The following CDH8 variants were observed in gnomAD, a reference collection of about 807,000 sequenced individuals.
CDH8 encodes cadherin 8.
CDH8 carries 17 observed loss-of-function variants against 68.1 expected under a neutral mutation model. That is an observed-to-expected ratio of 0.25 (90% CI 0.17 to 0.37). CDH8 has a LOEUF of 0.37. Among genes scored for constraint, CDH8 ranks in the 10% least tolerant of loss-of-function variants. The probability of loss-of-function intolerance (pLI) is 1.00; values close to 1 mark genes in which losing one functional copy is unlikely to be tolerated. For synonymous variants in CDH8, 372 were observed against 365.1 expected, an observed-to-expected ratio of 1.02 and a Z score of -0.21; for missense variants, 763 against 999.3, an observed-to-expected ratio of 0.76 and a Z score of 3.19.
intron 2 of CDH8, among the ~76,000 whole-genome samples, chr16:61,983,618 A>G (rs1965575058): frequency 6.6e-6 from 1 of 152,220 alleles, no homozygotes; most frequent in South Asian, 2.1e-4. Flanking sequence ...TTCAATTTTT[A>G]ATTTTTACAA....
At chr16:61,875,768 G>A (rs1000609195) in intron 3 of CDH8, among the ~76,000 whole-genome samples, 11 of 152,236 alleles carry the variant, frequency 7.2e-5, no homozygotes, top group Admixed American at 2.0e-4. Context: ...ATCAGTAAGC[G>A]TATAACTCAT....
intron 2 of CDH8, among the ~76,000 whole-genome samples, chr16:62,000,820 G>T (rs1361160705): frequency 6.6e-6 from 1 of 152,154 alleles, no homozygotes; most frequent in East Asian, 1.9e-4. Context: ...AGTGGTGTTT[G>T]TAGTAGTATT....
rs112136080 is a variant in CDH8, at chr16:61,946,028, GCTAT to G, written c.253-44559_253-44556del. On this transcript the variant is annotated intron_variant, in intron 2 of 11. Transcript: ENST00000577390. ...AATGGATTTTGGCATCTTCAAAACT[GCTAT>G]CTGTCAAAGGATTCTCAAAAATTTG... Among the ~76,000 whole-genome samples the G allele has an allele frequency of 7.3e-4, 111 of 152,270 alleles. 1 individual carries two copies. The East Asian group carries it at 0.019, about 25-fold the overall frequency.
intron 7 of CDH8, among the ~76,000 whole-genome samples, chr16:61,792,363 C>G (rs921750855): frequency 3.3e-5 from 5 of 151,978 alleles, no homozygotes; most frequent in African/African-American, 1.2e-4. Flanking sequence ...ACTTTAAAGT[C>G]TACCTCAACT....
At chr16:61,842,183 G>A (rs972921159) in intron 4 of CDH8, among the ~76,000 whole-genome samples, 8 of 151,388 alleles carry the variant, frequency 5.3e-5, no homozygotes, top group African/African-American at 1.5e-4. Flanking sequence ...CTGGCATTAC[G>A]GGCATGAGCC....
At chr16:61,687,422 C>T (rs1448646117) in intron 10 of CDH8, among the ~76,000 whole-genome samples, 3 of 151,984 alleles carry the variant, frequency 2.0e-5, no homozygotes, top group African/African-American at 7.2e-5. Flanking sequence ...AGTCTAACTA[C>T]TTTTCTAAAA....
At chr16:62,024,713 T>C (rs909128649) in intron 1 of CDH8, among the ~76,000 whole-genome samples, 10 of 152,186 alleles carry the variant, frequency 6.6e-5, no homozygotes, top group Non-Finnish European at 1.0e-4. Context: ...TAACACAATA[T>C]CTTACTGTTA....
Position 61,747,661 on chromosome 16 carries a change from G to T in CDH8, c.1415-20446C>A, listed in dbSNP as rs558088595. Among the ~76,000 whole-genome samples the T allele has an allele frequency of 7.9e-5, 12 of 151,782 alleles. No individual in the cohort carries two copies. In the East Asian group the frequency reaches 2.3e-3, roughly 29 times the overall value. On this transcript the variant is annotated intron_variant, in intron 8 of 11. Transcript: ENST00000577390. Reference sequence around the variant, plus strand: ...GTCAAAAAAGAAAAACCTGCTAGAGGTTTATTTTTACCCTGAATTAATGTA... The same window carrying T: ...GTCAAAAAAGAAAAACCTGCTAGAGTTTTATTTTTACCCTGAATTAATGTA...
intron 8 of CDH8, among the ~76,000 whole-genome samples, chr16:61,776,472 C>A (rs775447869): frequency 1.4e-4 from 21 of 151,996 alleles, no homozygotes; most frequent in Non-Finnish European, 2.6e-4. Flanking sequence ...GAAGAAGGAG[C>A]TTTTAAAGTT....
intron 4 of CDH8, among the ~76,000 whole-genome samples, chr16:61,852,901 C>CCATT (rs1447931334): frequency 2.1e-4 from 31 of 146,074 alleles, no homozygotes; most frequent in African/African-American, 6.6e-4. Flanking sequence ...TTCCATTCTT[C>CCATT]CTTCCTTCCT....
chr16:61,920,751 TG>T (rs1429827776), intron 2 of CDH8, among the ~76,000 whole-genome samples: 2 of 62,408 alleles, frequency 3.2e-5, no homozygotes. Flanking sequence ...ATCCCATTAC[TG>T]GGTATATACC....
chr16:61,951,134 T>G (rs945881817), intron 2 of CDH8, among the ~76,000 whole-genome samples: 3 of 151,828 alleles, frequency 2.0e-5, no homozygotes, highest in Non-Finnish European at 4.4e-5. Flanking sequence ...GGCAGGTATA[T>G]TTGAATGGGC....
At chr16:61,720,528 C>T (rs1337657508) in intron 9 of CDH8, among the ~76,000 whole-genome samples, 2 of 150,716 alleles carry the variant, frequency 1.3e-5, no homozygotes, top group African/African-American at 4.9e-5. Flanking sequence ...AAATTAGGGG[C>T]CAGAATAAAA....
chr16:61,825,927 G>T (rs1206135420), intron 4 of CDH8, among the ~76,000 whole-genome samples: 1 of 151,794 alleles, frequency 6.6e-6, no homozygotes, highest in Non-Finnish European at 1.5e-5. Flanking sequence ...ATGTGGGTTT[G>T]TCTGTTTGTT....
intron 4 of CDH8, among the ~76,000 whole-genome samples, chr16:61,844,236 T>G (rs1476128338): frequency 8.0e-6 from 1 of 125,262 alleles, no homozygotes; most frequent in African/African-American, 3.1e-5. Context: ...TGAGAACACA[T>G]GGACACAGGA....
chr16:61,746,939 GA>G (rs1960037767), intron 8 of CDH8, among the ~76,000 whole-genome samples: 1 of 152,052 alleles, frequency 6.6e-6, no homozygotes, highest in Admixed American at 6.6e-5. Context: ...ACGATTAGCA[GA>G]ATTCAAGATG....
chr16:61,687,758 T>C (rs1460582269), intron 10 of CDH8, among the ~76,000 whole-genome samples: 3 of 152,076 alleles, frequency 2.0e-5, no homozygotes, highest in Non-Finnish European at 4.4e-5. Flanking sequence ...AATCCTTATG[T>C]GCTTCAGTTT....
chr16:61,806,626 A>G (rs1961787876), intron 7 of CDH8, among the ~76,000 whole-genome samples: 2 of 128,320 alleles, frequency 1.6e-5, no homozygotes, highest in African/African-American at 5.8e-5. Context: ...AATTTACAAG[A>G]AAAAAACAAA....
chr16:61,771,291 G>T (rs1469177806), intron 8 of CDH8, among the ~76,000 whole-genome samples: 3 of 151,370 alleles, frequency 2.0e-5, no homozygotes, highest in Non-Finnish European at 4.4e-5. Context: ...TCAGATTTTT[G>T]TTTCTTTGTA....
Sources: allele counts gnomAD v4.1 joint callset (sites outside exome capture counted in the v4.1 genomes callset), GRCh38; gene constraint gnomAD v4.1.1; transcripts MANE v1.5; gene names NCBI Gene and HGNC (gene_info 2026-07-23, HGNC 2026-07-21).